Variants in NCSTN observed in about 807,000 individuals in gnomAD.
NCSTN encodes the protein nicastrin.
NCSTN carries 22 observed loss-of-function variants against 87.0 expected under a neutral mutation model. The observed-to-expected ratio is 0.25, with a 90% CI of 0.18 to 0.36. The LOEUF is 0.36. Ranked by LOEUF, NCSTN falls within the 10% of genes least tolerant of loss-of-function variation. NCSTN has a pLI of 1.00. For synonymous variants in NCSTN, 306 were observed against 327.1 expected, an observed-to-expected ratio of 0.94 and a Z score of 0.69; for missense variants, 693 against 883.3, an observed-to-expected ratio of 0.78 and a Z score of 2.73.
At chr1:160,350,804 G>T (rs1007175253) in intron 5 of NCSTN, among the ~76,000 whole-genome samples, 1 of 152,084 alleles carries the variant, frequency 6.6e-6, no homozygotes, top group African/African-American at 2.4e-5. Flanking sequence ...TTCTGGTCTA[G>T]TATTTCCATT....
intron 10 of NCSTN, 73 bp downstream of exon 10, chr1:160,353,310 C>T: frequency 1.9e-6 from 3 of 1,608,516 alleles, no homozygotes; most frequent in Non-Finnish European, 1.7e-6. Context: ...GCCCTGTTTC[C>T]ACCAACCCCC....
At chr1:160,346,837 C>T (rs1027341560) in intron 2 of NCSTN, among the ~76,000 whole-genome samples, 3 of 152,086 alleles carry the variant, frequency 2.0e-5, no homozygotes, top group African/African-American at 7.2e-5. Context: ...GAACCCCTGA[C>T]CTCGTGATCT....
At chr1:160,349,812 T>C in intron 4 of NCSTN, 142 bp downstream of exon 4, 1 of 1,264,952 alleles carries the variant, frequency 7.9e-7, no homozygotes, top group Non-Finnish European at 1.1e-6. Flanking sequence ...GGGTAGTGTT[T>C]ATTTGTCTTT....
rs1010622743 is a variant in NCSTN at position 160,358,440 on chromosome 1, T to G, written c.*169T>G. 3 of 877,046 alleles carry G rather than the reference T, an allele frequency of 3.4e-6. No homozygotes were observed. Among genetic ancestry groups the G allele is most frequent in the Non-Finnish European group, 5.4e-6 (3 of 551,060 alleles). The allele number at this position is 877,046 out of a possible 1,614,324, so 54.3% of individuals were successfully genotyped here. A position where few individuals can be genotyped will look rare whatever the true frequency, so the allele number is the denominator to read the frequency against. Reference sequence around the variant, plus strand: ...AAGAGACAGGGAGAAATAAATAAATTGCCTCCCTTCCTCCGCTCCCCTTTC... The same window carrying G: ...AAGAGACAGGGAGAAATAAATAAATGGCCTCCCTTCCTCCGCTCCCCTTTC... On this transcript the variant is annotated 3_prime_UTR_variant, in exon 17 of 17. Coordinates refer to ENST00000294785, the MANE Select transcript of NCSTN (RefSeq NM_015331.3).
At chr1:160,349,760 T>C in intron 4 of NCSTN, 90 bp downstream of exon 4, 1 of 1,538,842 alleles carries the variant, frequency 6.5e-7, no homozygotes, top group East Asian at 2.3e-5. Context: ...TGTATATGTG[T>C]TTGTGTCTGT....
At chr1:160,349,963 A>G in intron 4 of NCSTN, 142 bp from the exon 5 acceptor site, 1 of 1,082,260 alleles carries the variant, frequency 9.2e-7, no homozygotes, top group Admixed American at 1.7e-5. Flanking sequence ...GTGGATGGTA[A>G]TAGACTTCAT....
intron 5 of NCSTN, 114 bp from the exon 6 acceptor site, chr1:160,351,108 C>T (rs891142204): frequency 3.7e-5 from 41 of 1,093,404 alleles, no homozygotes; most frequent in African/African-American, 1.4e-4. Flanking sequence ...TAAATGTCTC[C>T]GAAAAGGGTG....
At chr1:160,346,783 CT>C (rs2101893313) in intron 2 of NCSTN, among the ~76,000 whole-genome samples, 1 of 152,032 alleles carries the variant, frequency 6.6e-6, no homozygotes, top group East Asian at 1.9e-4. Context: ...TTTTTTGTAT[CT>C]TTAGTAGAGG....
At chr1:160,345,890 G>C (rs1448286930) in intron 2 of NCSTN, among the ~76,000 whole-genome samples, 1 of 122,228 alleles carries the variant, frequency 8.2e-6, no homozygotes, top group Non-Finnish European at 1.6e-5. Context: ...AGTGAGCTGA[G>C]ATTGTGCCAC....
intron 5 of NCSTN, among the ~76,000 whole-genome samples, chr1:160,350,821 C>T (rs912217063): frequency 6.6e-6 from 1 of 152,106 alleles, no homozygotes; most frequent in South Asian, 2.1e-4. Flanking sequence ...CATTTTGACT[C>T]ATAGAGTAGT....
rs11547485 is a variant in NCSTN at position 160,351,712 on chromosome 1, C to G, written c.750C>G (p.Pro250=). Residue 250 remains proline, a synonymous_variant, in exon 7 of 17, where the codon CCC becomes CCG. Transcript: ENST00000294785. Reference sequence around the variant, plus strand: ...CCTGCTTAGAAATCGTCTGTGACCCCCTGTCTGATTACAATGTGTGGAGCA... The same window carrying G: ...CCTGCTTAGAAATCGTCTGTGACCCGCTGTCTGATTACAATGTGTGGAGCA... ...FSINPEIVCD[P]LSDYNVWSML... is the part of the protein sequence containing the mutation. 1 of 1,608,008 alleles carries G rather than the reference C, an allele frequency of 6.2e-7. No homozygotes were observed. The highest frequency in any genetic ancestry group is 2.2e-5 in the East Asian group (1 of 44,856).
At chr1:160,347,717 C>A (rs1420720461) in intron 2 of NCSTN, among the ~76,000 whole-genome samples, 2 of 152,348 alleles carry the variant, frequency 1.3e-5, no homozygotes, top group East Asian at 3.9e-4. Context: ...TCAAGCAATT[C>A]TCCTGCCTCA....
Position 160,351,240 on chromosome 1 carries a change from C to A in NCSTN, c.601C>A (p.Leu201Met), listed in dbSNP as rs1288637325. 4 of 1,614,182 alleles carry A rather than the reference C, an allele frequency of 2.5e-6. No homozygotes were observed. In the South Asian group the frequency reaches 4.4e-5, roughly 18 times the overall value. ...CTTTCAGTGCTATCAAGATCACAAC[C>A]TGAGTCAGAATGGCTCAGCACCAAC... ...VIKQCYQDHN[L>M]SQNGSAPTFP... The change falls in exon 6 of 17, where the codon CTG (leucine) becomes ATG (methionine). Residue 201 changes from leucine (L) to methionine (M), a missense_variant. Transcript: ENST00000294785.
In NCSTN at chr1:160,358,668, A is replaced by G. The variant is rs201269130; in HGVS notation, c.*397A>G. Reference sequence around the variant, plus strand: ...GTACCCAGCCACCTTCCTGACTGGGAAGGACATAAAAGGTTTAATGTCAGG... The same window carrying G: ...GTACCCAGCCACCTTCCTGACTGGGGAGGACATAAAAGGTTTAATGTCAGG... On this transcript the variant is annotated 3_prime_UTR_variant, in exon 17 of 17. Coordinates refer to ENST00000294785, the MANE Select transcript of NCSTN (RefSeq NM_015331.3). The G allele has an allele frequency of 9.4e-6, 3 of 317,960 alleles. No individual in the cohort carries two copies. The highest frequency in any genetic ancestry group is 1.8e-5 in the Non-Finnish European group (3 of 163,268). 19.7% of individuals were successfully genotyped at this position (317,960 alleles called of 1,614,324 possible).
chr1:160,352,215 T>G lies in NCSTN; in HGVS notation c.996+9T>G, dbSNP rs1392005120. On this transcript the variant is annotated intron_variant, in intron 8 of 16. Transcript: ENST00000294785. ...TTGTCTTCTTTCAAGGGGTAAGGGCTCTTTGGCTGGGGTGCAATGGCAGGG... is the reference window on the plus strand; with the variant it reads ...TTGTCTTCTTTCAAGGGGTAAGGGCGCTTTGGCTGGGGTGCAATGGCAGGG... The G allele has an allele frequency of 1.9e-6, 3 of 1,613,878 alleles. No homozygotes were observed. Among genetic ancestry groups the G allele is most frequent in the Non-Finnish European group, 2.5e-6 (3 of 1,179,906 alleles).
At chr1:160,353,052 G>A (rs1648949882) in intron 9 of NCSTN, 61 bp downstream of exon 9, 1 of 1,585,216 alleles carries the variant, frequency 6.3e-7, no homozygotes, top group Admixed American at 1.7e-5. Flanking sequence ...TTGTTGTTCT[G>A]CGGTCTTAAC....
chr1:160,353,961 G>A (rs1449425139), intron 10 of NCSTN, among the ~76,000 whole-genome samples, 157 bp from the exon 11 acceptor site: 1 of 152,128 alleles, frequency 6.6e-6, no homozygotes, highest in Non-Finnish European at 1.5e-5. Context: ...AATTCAGAGA[G>A]CCTTGGTCCC....
Position 160,356,268 on chromosome 1 carries a change from C to T in NCSTN, c.1560C>T (p.Arg520=), listed in dbSNP as rs1219109700. Residue 520 remains arginine, a synonymous_variant, in exon 14 of 17, where the codon CGC becomes CGT. Transcript: ENST00000294785. ...TVQADPQTVT[R]LLYGFLIKAN... Reference sequence around the variant, plus strand: ...TACTGTTCCAATCCTAGGTTACCCGCCTGCTCTATGGGTTCCTGATTAAAG... The same window carrying T: ...TACTGTTCCAATCCTAGGTTACCCGTCTGCTCTATGGGTTCCTGATTAAAG... The T allele has an allele frequency of 1.9e-6, 3 of 1,612,314 alleles. No individual in the cohort carries two copies. The South Asian group carries it at 3.3e-5, about 18-fold the overall frequency.
At chr1:160,348,135 G>C (rs1648615757) in intron 2 of NCSTN, among the ~76,000 whole-genome samples, 1 of 152,186 alleles carries the variant, frequency 6.6e-6, no homozygotes, top group African/African-American at 2.4e-5. Flanking sequence ...AAGACTCACA[G>C]GGAGACCCTA....
Sources: gnomAD v4.1 joint callset for allele counts (sites outside exome capture counted in the v4.1 genomes callset) on GRCh38, gnomAD v4.1.1 for gene constraint, MANE v1.5 for transcripts, NCBI Gene and HGNC (gene_info 2026-07-23, HGNC 2026-07-21) for gene names.